Variants in MTG1 observed in about 807,000 individuals in gnomAD.
The protein encoded by MTG1 is mitochondrial ribosome-associated GTPase 1.
Under a neutral mutation model 39.5 loss-of-function variants are expected in MTG1, and 30 were observed. The observed-to-expected ratio is 0.76, with a 90% CI of 0.57 to 1.03. MTG1 has a LOEUF of 1.03. MTG1 is among the 50% of genes least tolerant of loss of function. MTG1 has a pLI of 0.00. For synonymous variants in MTG1, 217 were observed against 179.0 expected (o/e 1.21, Z -1.69); for missense variants, 513 against 447.4 (o/e 1.15, Z -1.32).
chr10:133,396,227 T>A lies in MTG1; in HGVS notation c.242T>A (p.Val81Asp), dbSNP rs748422254. Residue 81 changes from valine (V) to aspartate (D), a missense_variant, in exon 3 of 11, where the codon GTC becomes GAC. Physicochemically the swap from Val to Asp is radical, Grantham distance 152. Coordinates refer to ENST00000317502, the MANE Select transcript of MTG1 (RefSeq NM_138384.4). ...ETLGLKPHLL[V>D]LNKMDLADLT... is the part of the protein sequence containing the mutation. ...CTTGGGCTTAAGCCTCACTTGCTGG[T>A]CCTCAACAAGATGGACTTGGCGGAT... The A allele has an allele frequency of 6.2e-7, 1 of 1,614,200 alleles. No homozygotes were observed. Among genetic ancestry groups the A allele is most frequent in the South Asian group, 1.1e-5 (1 of 91,086 alleles).
At chr10:133,411,223 C>T (rs1374408425) in intron 9 of MTG1, among the ~76,000 whole-genome samples, 12 of 151,396 alleles carry the variant, frequency 7.9e-5, no homozygotes, top group African/African-American at 2.9e-4. Context: ...TTTTTTTTTC[C>T]TTCAGCACTT....
chr10:133,416,013 G>GGGCAGGCGGGTGTCGGGCAGGCGGGTGTC (rs1564823379), intron 9 of MTG1, among the ~76,000 whole-genome samples: 2 of 134,726 alleles, frequency 1.5e-5, no homozygotes, highest in African/African-American at 6.3e-5. Context: ...GGCGGGTGTC[G>GGGCAGGCGGGTGTCGGGCAGGCGGGTGTC]GGCACGTGGG....
intron 9 of MTG1, among the ~76,000 whole-genome samples, chr10:133,412,471 G>T (rs1850061935): frequency 6.6e-6 from 1 of 152,072 alleles, no homozygotes; most frequent in Non-Finnish European, 1.5e-5. Context: ...AGACAATTAT[G>T]TCATTTGCAA....
At position 133,394,284 on chromosome 10, in the gene MTG1, C is replaced by A; in HGVS notation, c.64C>A (p.Leu22Met). The A allele has an allele frequency of 6.6e-7, 1 of 1,517,720 alleles. No homozygotes were observed. The highest frequency in any genetic ancestry group is 1.2e-5 in the South Asian group (1 of 82,006). The allele number at this position is 1,517,720 out of a possible 1,614,324, so 94.0% of individuals were successfully genotyped here. A position where few individuals can be genotyped will look rare whatever the true frequency, so the allele number is the denominator to read the frequency against. The change falls in exon 1 of 11, where the codon CTG (leucine) becomes ATG (methionine). Residue 22 changes from leucine (L) to methionine (M), a missense_variant. Physicochemically the swap from Leu to Met is conservative, Grantham distance 15. Coordinates refer to ENST00000317502, the MANE Select transcript of MTG1 (RefSeq NM_138384.4). ...AQAAWRENFP[L>M]CGRDVARWFP... ...GGCCGCCTGGCGGGAGAACTTCCCC[C>A]TGTGCGGTCGCGACGTGGCGCGCTG...
rs768125849 is a variant in MTG1, at chr10:133,401,541, G to A, written c.524G>A (p.Arg175Lys). The change falls in exon 7 of 11, where the codon AGG (arginine) becomes AAG (lysine). Residue 175 changes from arginine (R) to lysine (K), a missense_variant. Physicochemically the swap from Arg to Lys is conservative, Grantham distance 26. Coordinates refer to ENST00000317502, the MANE Select transcript of MTG1 (RefSeq NM_138384.4). ...CCTTTTCCTACAGGGAAAGCCACCAGGGTGGGTGGCGAGCCTGGGATCACC... is the reference window on the plus strand; with the variant it reads ...CCTTTTCCTACAGGGAAAGCCACCAAGGTGGGTGGCGAGCCTGGGATCACC... ...RQHLRKGKATRVGGEPGITRA... is the reference protein window; with the variant it reads ...RQHLRKGKATKVGGEPGITRA... 95 of 1,586,386 alleles carry A rather than the reference G, an allele frequency of 6.0e-5. No individual in the cohort carries two copies. Among genetic ancestry groups the A allele is most frequent in the Non-Finnish European group, 4.3e-6 (5 of 1,164,702 alleles).
At chr10:133,410,555 G>A (rs10857711) in intron 9 of MTG1, among the ~76,000 whole-genome samples, 37,271 of 152,088 alleles carry the variant, frequency 0.25, 4,775 homozygotes, top group East Asian at 0.34. Context: ...TTTAGTCTAT[G>A]TATTATATGT....
chr10:133,421,681 G>C lies in MTG1; in HGVS notation c.*1516G>C, dbSNP rs988831339. 1 of 152,910 alleles carries C rather than the reference G, an allele frequency of 6.5e-6. No homozygotes were observed. Among genetic ancestry groups the C allele is most frequent in the African/African-American group, 2.4e-5 (1 of 41,452 alleles). The allele number at this position is 152,910 out of a possible 1,614,324, so 9.5% of individuals were successfully genotyped here. ...CCTGTGGCTTAGTGCCCTGGAGCTA[G>C]AGAGCAGTGCTTGGTTGAGTCCTGC... On this transcript the variant is annotated 3_prime_UTR_variant, in exon 11 of 11. Transcript: ENST00000317502.
Position 133,414,981 on chromosome 10 carries a change from C to T in MTG1, c.753-4499C>T, listed in dbSNP as rs185385757. On this transcript the variant is annotated intron_variant, in intron 9 of 10. Transcript: ENST00000317502. ...GAGCTGGAGACCAGCCCGGCCAACA[C>T]AGCGAAACCCCATCTCCACCAAAAA... Among the ~76,000 whole-genome samples, 921 of 152,368 alleles carry T rather than the reference C, an allele frequency of 6.0e-3. 5 individuals carry two copies. Among genetic ancestry groups the T allele is most frequent in the Non-Finnish European group, 8.6e-3 (585 of 68,042 alleles).
At chr10:133,399,759 T>C (rs2814206) in intron 6 of MTG1, 140 bp downstream of exon 6, 517,337 of 752,158 alleles carry the variant, frequency 0.69, 183,823 homozygotes, top group Non-Finnish European at 0.75. Context: ...CCAGAGCACA[T>C]CTTGTCTCGT....
chr10:133,414,330 C>T (rs1266406627), intron 9 of MTG1, among the ~76,000 whole-genome samples: 4 of 151,106 alleles, frequency 2.6e-5, no homozygotes, highest in East Asian at 1.9e-4. Context: ...TACACAGACA[C>T]GGCAACCATC....
chr10:133,401,874 C>T (rs1849883561), intron 7 of MTG1: 1 of 606,200 alleles, frequency 1.6e-6, no homozygotes. Context: ...GAGTGTGGCG[C>T]CCCCCGCCCC....
rs1246629549 is a variant in MTG1 at position 133,421,341 on chromosome 10, G to T, written c.*1176G>T. On this transcript the variant is annotated 3_prime_UTR_variant, in exon 11 of 11. Coordinates refer to ENST00000317502, the MANE Select transcript of MTG1 (RefSeq NM_138384.4). ...GATCACGAAGTGTCCATCATAACTG[G>T]AACATTCCATCAGCTTGCAGTGCTG... The T allele has an allele frequency of 6.5e-6, 1 of 153,424 alleles. No homozygotes were observed. 9.5% of individuals were successfully genotyped at this position (153,424 alleles called of 1,614,324 possible). A position where few individuals can be genotyped will look rare whatever the true frequency, so the allele number is the denominator to read the frequency against.
intron 9 of MTG1, among the ~76,000 whole-genome samples, chr10:133,409,450 T>C (rs999369120): frequency 2.6e-5 from 4 of 152,228 alleles, no homozygotes; most frequent in African/African-American, 7.2e-5. Flanking sequence ...GCCTAACATA[T>C]GGTATATTCT....
intron 9 of MTG1, among the ~76,000 whole-genome samples, chr10:133,418,796 T>C (rs1850175992): frequency 6.6e-6 from 1 of 152,124 alleles, no homozygotes; most frequent in African/African-American, 2.4e-5. Flanking sequence ...TCTGGGTTAG[T>C]CGGGCTCCCA....
At chr10:133,396,347 G>A (rs1169224392) in intron 3 of MTG1, 80 bp downstream of exon 3, 3 of 1,221,364 alleles carry the variant, frequency 2.5e-6, no homozygotes, top group Admixed American at 1.8e-5. Context: ...AAGAGTTGCC[G>A]GACGCACACT....
chr10:133,415,711 T>TAACA (rs1850114535), intron 9 of MTG1, among the ~76,000 whole-genome samples: 1 of 152,230 alleles, frequency 6.6e-6, no homozygotes, highest in African/African-American at 2.4e-5. Flanking sequence ...CTTGTGCTTG[T>TAACA]AGTTCATTGA....
chr10:133,399,807 G>C (rs1849846217), intron 6 of MTG1, 188 bp downstream of exon 6: 1 of 506,220 alleles, frequency 2.0e-6, no homozygotes, highest in Non-Finnish European at 3.5e-6. Context: ...AGTGGGACCA[G>C]GTCGTTCTGT....
At chr10:133,395,542 TGG>T (rs1009454084) in intron 1 of MTG1, among the ~76,000 whole-genome samples, 169 bp from the exon 2 acceptor site, 1 of 152,210 alleles carries the variant, frequency 6.6e-6, no homozygotes, top group African/African-American at 2.4e-5. Flanking sequence ...GTGCGGACCT[TGG>T]AGGAGGCGCT....
chr10:133,398,080 A>T (rs1849815378), intron 3 of MTG1, among the ~76,000 whole-genome samples: 1 of 152,102 alleles, frequency 6.6e-6, no homozygotes, highest in Admixed American at 6.5e-5. Context: ...TGATCTCTCC[A>T]TCCGTGTCAT....
Sources: allele counts gnomAD v4.1 joint callset (sites outside exome capture counted in the v4.1 genomes callset), GRCh38; gene constraint gnomAD v4.1.1; transcripts MANE v1.5; gene names NCBI Gene and HGNC (gene_info 2026-07-23, HGNC 2026-07-21).